SLC29A2: variants seen among roughly 807,000 people sequenced by gnomAD.
SLC29A2 encodes the protein equilibrative nucleoside transporter 2.
Under a neutral mutation model 48.8 loss-of-function variants are expected in SLC29A2, and 37 were observed. The observed-to-expected ratio is 0.76, with a 90% CI of 0.58 to 1.00. The LOEUF (loss-of-function observed/expected upper bound fraction) is 1.00. Among genes scored for constraint, SLC29A2 ranks in the 50% least tolerant of loss-of-function variants. The pLI is 0.00. For missense variants in SLC29A2, 533 were observed against 578.6 expected (o/e 0.92, Z 0.81); for synonymous variants, 233 against 261.7 (o/e 0.89, Z 1.06).
In SLC29A2 at chr11:66,363,374, T is replaced by C; in HGVS notation, c.*62A>G. On this transcript the variant is annotated 3_prime_UTR_variant, in exon 12 of 12. Transcript: ENST00000357440. ...GCCAAGCTCGCCATTCGCCCTGGGC[T>C]GGATCTCAGCTCCGGAAGGAGACGT... 2 of 1,357,586 alleles carry C rather than the reference T, an allele frequency of 1.5e-6. No individual in the cohort carries two copies. The highest frequency in any genetic ancestry group is 2.1e-6 in the Non-Finnish European group (2 of 952,714). 84.1% of individuals were successfully genotyped at this position (1,357,586 alleles called of 1,614,324 possible). A position where few individuals can be genotyped will look rare whatever the true frequency, so the allele number is the denominator to read the frequency against.
rs1748811552 is a variant in SLC29A2 at position 66,369,535 on chromosome 11, G to A, written c.112-3C>T. On this transcript the variant is annotated splice_polypyrimidine_tract_variant and splice_region_variant and intron_variant, in intron 2 of 11. Transcript: ENST00000357440. ...CCGGCCAGTCGCGCCTGGAAGTACTGCCAGGTGGGGAGGTGGTGGAGGGTC... is the reference window on the plus strand; with the variant it reads ...CCGGCCAGTCGCGCCTGGAAGTACTACCAGGTGGGGAGGTGGTGGAGGGTC... 6.2e-7 allele frequency: 1 copy of A among 1,613,588 alleles called. No individual in the cohort carries two copies. Among genetic ancestry groups the A allele is most frequent in the Admixed American group, 1.7e-5 (1 of 59,994 alleles).
chr11:66,363,397 C>T lies in SLC29A2; in HGVS notation c.*39G>A, dbSNP rs760087374. The stretch of plus-strand genomic sequence containing the variant: ...GCTGGATCTCAGCTCCGGAAGGAGA[C>T]GTCGAGAAGAGGCTGCCAAAGAGCC... On this transcript the variant is annotated 3_prime_UTR_variant, in exon 12 of 12. Coordinates refer to ENST00000357440, the MANE Select transcript of SLC29A2 (RefSeq NM_001532.3). 4 of 1,491,472 alleles carry T rather than the reference C, an allele frequency of 2.7e-6. No individual in the cohort carries two copies. The highest frequency in any genetic ancestry group is 2.3e-5 in the South Asian group (2 of 87,984). The allele number at this position is 1,491,472 out of a possible 1,614,324, so 92.4% of individuals were successfully genotyped here. A position where few individuals can be genotyped will look rare whatever the true frequency, so the allele number is the denominator to read the frequency against.
At chr11:66,364,455 C>A (rs1181080047) in intron 10 of SLC29A2, 31 bp from the exon 11 acceptor site, 2 of 1,574,998 alleles carry the variant, frequency 1.3e-6, no homozygotes, top group Non-Finnish European at 1.7e-6. Context: ...AGCATGGTCC[C>A]TGGAGCCAGG....
In SLC29A2 at chr11:66,365,851, A is replaced by G. The variant is rs1053542156; in HGVS notation, c.1059+85T>C. ...GCATTACCAGGCCATTTGGACTACC[A>G]GAAAATCACCTCCATGCTCTTTCAA... is the stretch of plus-strand genomic sequence containing the variant. On this transcript the variant is annotated intron_variant, in intron 10 of 11. Transcript: ENST00000357440. The G allele has an allele frequency of 8.2e-6, 11 of 1,335,350 alleles. No homozygotes were observed. The Admixed American group carries it at 1.7e-4, about 20-fold the overall frequency. The allele number at this position is 1,335,350 out of a possible 1,614,324, so 82.7% of individuals were successfully genotyped here.
rs1366106330 is a variant in SLC29A2, at chr11:66,364,255, A to T, written c.1229T>A (p.Leu410Gln). Residue 410 changes from leucine to glutamine, a missense_variant, in exon 11 of 12, where the codon CTG becomes CAG. Leu to Gln is a moderately radical substitution (Grantham distance 113, BLOSUM62 -2). Transcript: ENST00000357440. ...MLLFAVSNGY[L>Q]VSLTMCLAPR... ...CGCCAGGCACATGGTGAGGGACACC[A>T]GGTAGCCATTAGAAACGGCAAAGAG... The T allele has an allele frequency of 1.3e-6, 2 of 1,553,538 alleles. No homozygotes were observed. The highest frequency in any genetic ancestry group is 1.7e-5 in the Admixed American group (1 of 57,916).
chr11:66,367,683 C>T (rs1178049939), intron 6 of SLC29A2, 89 bp downstream of exon 6: 6 of 1,487,468 alleles, frequency 4.0e-6, no homozygotes, highest in Non-Finnish European at 5.6e-6. Flanking sequence ...AGGTCTCCTC[C>T]ACCTCCCCTG....
intron 2 of SLC29A2, among the ~76,000 whole-genome samples, chr11:66,370,696 A>G (rs1190637037): frequency 6.6e-6 from 1 of 152,076 alleles, no homozygotes; most frequent in Non-Finnish European, 1.5e-5. Flanking sequence ...TCTCTACTAA[A>G]AATACAAAAA....
upstream of SLC29A2, among the ~76,000 whole-genome samples, chr11:66,372,420 G>A (rs1856110328): frequency 6.6e-6 from 1 of 152,254 alleles, no homozygotes; most frequent in South Asian, 2.1e-4. Flanking sequence ...GGACGCTGGA[G>A]AAGTGAGAGG....
Position 66,366,226 on chromosome 11 carries a change from C to T in SLC29A2, c.873G>A (p.Trp291Ter), listed in dbSNP as rs1459315825. 6.2e-7 allele frequency: 1 copy of T among 1,613,830 alleles called. No homozygotes were observed. Among genetic ancestry groups the T allele is most frequent in the Non-Finnish European group, 8.5e-7 (1 of 1,179,832 alleles). ...PSVFTVFQKIWLTALCLVLVF... is the reference protein window; with the variant it reads ...PSVFTVFQKI ...CCAACACAAGGCACAGCGCTGTCAG[C>T]CAGATCTGGGAGCCAGAGGCAGGGG... Residue 291 changes from tryptophan to a stop codon, truncating the protein, a stop_gained, in exon 9 of 12, where the codon TGG (tryptophan) becomes TGA (stop). Transcript: ENST00000357440. LOFTEE classifies it high-confidence loss of function.
intron 2 of SLC29A2, among the ~76,000 whole-genome samples, chr11:66,370,938 G>A (rs771921103): frequency 7.3e-5 from 11 of 151,566 alleles, no homozygotes; most frequent in Non-Finnish European, 1.5e-4. Context: ...AAAATCAAAC[G>A]TTCGATAACC....
intron 2 of SLC29A2, 137 bp downstream of exon 2, chr11:66,371,107 C>A: frequency 2.7e-6 from 2 of 754,416 alleles, no homozygotes; most frequent in Non-Finnish European, 4.6e-6. Context: ...TTCCCCTCTC[C>A]GAGCTTCAGC....
rs971517417 is a variant in SLC29A2, at chr11:66,371,753, C to T, written c.-162G>A. On this transcript the variant is annotated 5_prime_UTR_variant, in exon 1 of 12. Transcript: ENST00000357440. ...ACAGGTAGCCTCGGGCGGATTTCGG[C>T]GTGTCTCGCGCTCCGCAGGCTGGGA... The T allele has an allele frequency of 1.5e-5, 10 of 664,048 alleles. No homozygotes were observed. The African/African-American group carries it at 1.7e-4, about 11-fold the overall frequency. 41.1% of individuals were successfully genotyped at this position (664,048 alleles called of 1,614,324 possible).
At chr11:66,371,105 T>C (rs1322949583) in intron 2 of SLC29A2, 139 bp downstream of exon 2, 1 of 746,210 alleles carries the variant, frequency 1.3e-6, no homozygotes, top group Non-Finnish European at 2.3e-6. Flanking sequence ...CATTCCCCTC[T>C]CCGAGCTTCA....
chr11:66,372,177 C>G (rs1409528069), upstream of SLC29A2: 1 of 152,318 alleles, frequency 6.6e-6, no homozygotes, highest in Non-Finnish European at 1.5e-5. Context: ...CAGAGCGTAA[C>G]CCGAGCCGGG....
chr11:66,371,945 G>T (rs979120502), upstream of SLC29A2: 5 of 366,846 alleles, frequency 1.4e-5, no homozygotes, highest in Non-Finnish European at 2.5e-5. Context: ...TCCTCTCCGC[G>T]GGGGCGGGTC....
At chr11:66,363,604 G>A in intron 11 of SLC29A2, 57 bp from the exon 12 acceptor site, 3 of 1,292,770 alleles carry the variant, frequency 2.3e-6, no homozygotes, top group Non-Finnish European at 3.3e-6. Flanking sequence ...TCTGGACCCA[G>A]CTCCACTGCC....
intron 7 of SLC29A2, 128 bp from the exon 8 acceptor site, chr11:66,366,692 G>T (rs1333575718): frequency 5.8e-6 from 6 of 1,029,584 alleles, no homozygotes; most frequent in Non-Finnish European, 8.4e-6. Flanking sequence ...GCTCACGCCT[G>T]TAATCCCAAC....
At chr11:66,371,184 G>A (rs1856012286) in intron 2 of SLC29A2, 60 bp downstream of exon 2, 2 of 1,487,120 alleles carry the variant, frequency 1.3e-6, no homozygotes, top group Non-Finnish European at 9.4e-7. Flanking sequence ...TTCATCCAAA[G>A]GGCTGGAGGG....
chr11:66,371,605 G>C lies in SLC29A2; in HGVS notation c.-14C>G. On this transcript the variant is annotated 5_prime_UTR_variant, in exon 1 of 12. The change creates a new upstream start codon in the 5' untranslated region. Transcript: ENST00000357440. The stretch of plus-strand genomic sequence containing the variant: ...TCCTCGCGCCATGGCCGCCGCGGCG[G>C]ATGCGCCTGGGGTGAAAGGGGCAGA... 6.5e-7 allele frequency: 1 copy of C among 1,547,430 alleles called. No homozygotes were observed. Among genetic ancestry groups the C allele is most frequent in the Non-Finnish European group, 8.7e-7 (1 of 1,150,438 alleles).
Sources: allele counts gnomAD v4.1 joint callset (sites outside exome capture counted in the v4.1 genomes callset), GRCh38; gene constraint gnomAD v4.1.1; transcripts MANE v1.5; gene names NCBI Gene and HGNC (gene_info 2026-07-23, HGNC 2026-07-21).